KLF13: variants seen among roughly 807,000 people sequenced by gnomAD.
KLF13 encodes Krueppel-like factor 13.
Under a neutral mutation model 16.7 loss-of-function variants are expected in KLF13, and 8 were observed. The ratio of observed to expected loss-of-function variants is 0.48; its 90% CI spans 0.28 to 0.87. The LOEUF (loss-of-function observed/expected upper bound fraction) is 0.87, where lower values mean the gene tolerates loss of function less well. Among genes scored for constraint, KLF13 ranks in the 40% least tolerant of loss-of-function variants. KLF13 has a pLI of 0.10. For synonymous variants in KLF13, 245 were observed against 208.4 expected, an observed-to-expected ratio of 1.18 and a Z score of -1.51; for missense variants, 447 against 452.2, an observed-to-expected ratio of 0.99 and a Z score of 0.10.
chr15:31,374,662 G>A lies in KLF13; in HGVS notation c.*2363G>A, dbSNP rs2039614506. 6.6e-6 allele frequency: 1 copy of A among 152,476 alleles called. No individual in the cohort carries two copies. The highest frequency in any genetic ancestry group is 6.5e-5 in the Admixed American group (1 of 15,284). The allele number at this position is 152,476 out of a possible 1,614,324, so 9.4% of individuals were successfully genotyped here. ...CCACCGTTCCCCAAGGCAGGGAGAG[G>A]GAGTGGCCCGTCCCTGGGAGGCTGG... On this transcript the variant is annotated 3_prime_UTR_variant, in exon 2 of 2. Transcript: ENST00000307145.
intron 1 of KLF13, among the ~76,000 whole-genome samples, chr15:31,345,004 G>A (rs1426643073): frequency 6.6e-6 from 1 of 152,186 alleles, no homozygotes; most frequent in Non-Finnish European, 1.5e-5. Context: ...GTTGCAGTTT[G>A]GGGCAGGTGC....
At chr15:31,331,606 G>C (rs2038834906) in intron 1 of KLF13, among the ~76,000 whole-genome samples, 1 of 152,220 alleles carries the variant, frequency 6.6e-6, no homozygotes, top group Non-Finnish European at 1.5e-5. Context: ...GGCAAAGCCA[G>C]GCTTGTTGGT....
chr15:31,410,484 A>T (rs12910502), intron 1 of KLF13, among the ~76,000 whole-genome samples: 86,862 of 151,884 alleles, frequency 0.57, 25,425 homozygotes, highest in South Asian at 0.69. Flanking sequence ...TCCAAATTGT[A>T]TGTTGTCAAC....
rs1345017777 is a variant in KLF13 at position 31,423,139 on chromosome 15, G to GTATACGTATA, written n.118-12216_118-12207dup. Among the ~76,000 whole-genome samples, 15 of 15,156 alleles carry GTATACGTATA rather than the reference G, an allele frequency of 9.9e-4. 5 individuals are homozygous for GTATACGTATA. The highest frequency in any genetic ancestry group is 1.0e-3 in the Non-Finnish European group (9 of 8,686). The allele number at this position is 15,156 out of a possible 152,430, so 9.9% of individuals were successfully genotyped here. On this transcript the variant is annotated intron_variant and non_coding_transcript_variant, in intron 1 of 1. Transcript: ENST00000558225. ...TATATATACGTATATATACGTATAC[G>GTATACGTATA]TATACGTATATATACGTATATATAT... is the stretch of plus-strand genomic sequence containing the variant.
At chr15:31,359,487 G>A (rs1257669543) in intron 1 of KLF13, among the ~76,000 whole-genome samples, 1 of 152,198 alleles carries the variant, frequency 6.6e-6, no homozygotes, top group Non-Finnish European at 1.5e-5. Flanking sequence ...CAGTCCCAGT[G>A]GTGAGCTGGA....
At chr15:31,367,152 T>A (rs1319841593) in intron 1 of KLF13, among the ~76,000 whole-genome samples, 1 of 152,198 alleles carries the variant, frequency 6.6e-6, no homozygotes, top group Non-Finnish European at 1.5e-5. Flanking sequence ...CTCCCTTCTC[T>A]GGGCTGCTCC....
At chr15:31,409,305 A>G (rs577935932), downstream of KLF13, among the ~76,000 whole-genome samples, 12 of 152,240 alleles carry the variant, frequency 7.9e-5, no homozygotes, top group Non-Finnish European at 1.2e-4. Flanking sequence ...CAAAAAACAA[A>G]CAAACAAAAC....
intron 1 of KLF13, among the ~76,000 whole-genome samples, chr15:31,368,444 A>G (rs2039509555): frequency 6.6e-6 from 1 of 152,250 alleles, no homozygotes; most frequent in Non-Finnish European, 1.5e-5. Context: ...AAACAGTTTT[A>G]TACAATGATA....
At chr15:31,350,372 A>G (rs1378979921) in intron 1 of KLF13, among the ~76,000 whole-genome samples, 2 of 152,222 alleles carry the variant, frequency 1.3e-5, no homozygotes, top group African/African-American at 4.8e-5. Context: ...GCCAGGGCCT[A>G]ATGAGAACAA....
intron 1 of KLF13, among the ~76,000 whole-genome samples, chr15:31,423,195 A>ATATATACGTATATATACG (rs2040366126): frequency 1.8e-5 from 1 of 56,366 alleles, no homozygotes; most frequent in Non-Finnish European, 3.9e-5. Context: ...GTATATATAT[A>ATATATACGTATATATACG]TATCAGTAGC....
At chr15:31,350,832 G>C (rs2039204587) in intron 1 of KLF13, among the ~76,000 whole-genome samples, 1 of 152,262 alleles carries the variant, frequency 6.6e-6, no homozygotes, top group African/African-American at 2.4e-5. Flanking sequence ...CCCATGGCCA[G>C]GCCAGAATGC....
Position 31,399,257 on chromosome 15 carries a change from C to T in KLF13, n.530-4171C>T, listed in dbSNP as rs375260020. 3.6e-4 allele frequency among the ~76,000 whole-genome samples: 55 copies of T among 152,340 alleles called. 1 individual carries two copies. The South Asian group carries it at 4.6e-3, about 13-fold the overall frequency. ...AGTGCAATGGCGCAATCTTGGCTCACTGCAACCTCTGCCTCCCAGGATCAA... is the reference window on the plus strand; with the variant it reads ...AGTGCAATGGCGCAATCTTGGCTCATTGCAACCTCTGCCTCCCAGGATCAA... On this transcript the variant is annotated intron_variant and non_coding_transcript_variant, in intron 2 of 2. Transcript: ENST00000500533.
chr15:31,360,176 T>C (rs1229270039), intron 1 of KLF13, among the ~76,000 whole-genome samples: 1 of 152,162 alleles, frequency 6.6e-6, no homozygotes, highest in Non-Finnish European at 1.5e-5. Flanking sequence ...GTCAGCTGCC[T>C]TAAGGTTAGG....
chr15:31,381,893 T>C (rs1257979151), downstream of KLF13, among the ~76,000 whole-genome samples: 1 of 152,220 alleles, frequency 6.6e-6, no homozygotes, highest in Non-Finnish European at 1.5e-5. Flanking sequence ...GCACAGCCGT[T>C]GCTCAGGGCG....
intron 2 of KLF13, among the ~76,000 whole-genome samples, chr15:31,396,816 G>GTCTAGGCAT (rs1181658468): frequency 6.6e-6 from 1 of 152,220 alleles, no homozygotes; most frequent in Non-Finnish European, 1.5e-5. Context: ...TACAAAGGCA[G>GTCTAGGCAT]TCTAGTCCCT....
upstream of KLF13, among the ~76,000 whole-genome samples, chr15:31,388,605 CAA>C (rs5811640): frequency 4.7e-4 from 43 of 92,346 alleles, no homozygotes; most frequent in Non-Finnish European, 5.6e-4. Flanking sequence ...AACTCTGTCT[CAA>C]AAAAAAAAAA....
intron 1 of KLF13, among the ~76,000 whole-genome samples, chr15:31,383,102 G>T (rs998158361): frequency 1.3e-5 from 2 of 152,336 alleles, no homozygotes; most frequent in African/African-American, 4.8e-5. Flanking sequence ...CTCCTAAGAG[G>T]GGTCCTCATC....
intron 1 of KLF13, among the ~76,000 whole-genome samples, chr15:31,413,205 A>AC (rs2040217225): frequency 5.2e-5 from 7 of 134,788 alleles, no homozygotes; most frequent in African/African-American, 1.0e-4. Context: ...AAAAAAAACA[A>AC]AAAACAAAAA....
intron 1 of KLF13, among the ~76,000 whole-genome samples, chr15:31,428,412 A>G (rs1423815504): frequency 1.3e-5 from 2 of 152,232 alleles, no homozygotes; most frequent in African/African-American, 2.4e-5. Flanking sequence ...CTAAAGGTCA[A>G]TTTATCATAA....
Sources: gnomAD v4.1 joint callset for allele counts (sites outside exome capture counted in the v4.1 genomes callset) on GRCh38, gnomAD v4.1.1 for gene constraint, MANE v1.5 for transcripts, NCBI Gene and HGNC (gene_info 2026-07-23, HGNC 2026-07-21) for gene names.